Variants in PERP observed in about 807,000 individuals in gnomAD.
PERP encodes p53 apoptosis effector related to PMP-22.
A neutral mutation model predicts 20.3 loss-of-function variants in PERP; 11 were observed. The ratio of observed to expected loss-of-function variants is 0.54; its 90% confidence interval spans 0.34 to 0.90. The LOEUF (loss-of-function observed/expected upper bound fraction) is 0.90. PERP is among the 40% of genes least tolerant of loss of function. PERP has a pLI of 0.02. For missense variants in PERP, 224 were observed against 249.4 expected (o/e 0.90, Z 0.69); for synonymous variants, 101 against 102.0 (o/e 0.99, Z 0.06).
intron 1 of PERP, among the ~76,000 whole-genome samples, chr6:138,100,226 C>T (rs937299597): frequency 6.6e-6 from 1 of 152,188 alleles, no homozygotes; most frequent in Non-Finnish European, 1.5e-5. Context: ...CATGGGTATT[C>T]TCGATGACCT....
At position 138,091,877 on chromosome 6, in the gene PERP, T is replaced by C. The variant is rs1460701857; in HGVS notation, c.*165A>G. 4.9e-6 allele frequency: 3 copies of C among 611,250 alleles called. No homozygotes were observed. Among genetic ancestry groups the C allele is most frequent in the African/African-American group, 1.9e-5 (1 of 54,048 alleles). 37.9% of individuals were successfully genotyped at this position (611,250 alleles called of 1,614,324 possible). On this transcript the variant is annotated 3_prime_UTR_variant, in exon 3 of 3. Transcript: ENST00000421351. The stretch of plus-strand genomic sequence containing the variant: ...ATAATAAAAGATAAACATGAAACTA[T>C]AACACTACTTAAAAAATATTTTCTC...
At chr6:138,096,629 G>C in intron 1 of PERP, 135 bp from the exon 2 acceptor site, 4 of 946,148 alleles carry the variant, frequency 4.2e-6, no homozygotes. Context: ...TTTTTCTTTT[G>C]ACAATACTTG....
rs1423407197 is a variant in PERP, at chr6:138,092,123, G to A, written c.501C>T (p.Ala167=). The A allele has an allele frequency of 6.2e-7, 1 of 1,614,116 alleles. No homozygotes were observed. The highest frequency in any genetic ancestry group is 1.3e-5 in the African/African-American group (1 of 75,044). ...AGTTGGGGAGGCAGCAGAAGAAGAAGGCACAGCCAATCAGGATAATCGTGG... is the reference window on the plus strand; with the variant it reads ...AGTTGGGGAGGCAGCAGAAGAAGAAAGCACAGCCAATCAGGATAATCGTGG... ...WAATIILIGC[A]FFFCCLPNYE... The change falls in exon 3 of 3, where the codon GCC becomes GCT. Residue 167 remains alanine, a synonymous_variant. Coordinates refer to ENST00000421351, the MANE Select transcript of PERP (RefSeq NM_022121.5).
At chr6:138,092,748 C>T (rs1025782191) in intron 2 of PERP, among the ~76,000 whole-genome samples, 6 of 151,950 alleles carry the variant, frequency 3.9e-5, no homozygotes, top group Admixed American at 1.3e-4. Context: ...TATTCAATAA[C>T]ACATCACTGG....
intron 2 of PERP, among the ~76,000 whole-genome samples, chr6:138,095,589 G>A (rs868300968): frequency 2.0e-5 from 3 of 152,228 alleles, no homozygotes; most frequent in South Asian, 2.1e-4. Context: ...CTGAGGCCTC[G>A]CTTTGCCGCT....
At chr6:138,104,397 GA>G (rs1483284679) in intron 1 of PERP, among the ~76,000 whole-genome samples, 1 of 152,188 alleles carries the variant, frequency 6.6e-6, no homozygotes, top group East Asian at 1.9e-4. Flanking sequence ...AAGGAAAAAT[GA>G]GGTGATTTGG....
intron 1 of PERP, among the ~76,000 whole-genome samples, chr6:138,102,016 A>G (rs1775781676): frequency 6.6e-6 from 1 of 152,196 alleles, no homozygotes; most frequent in Admixed American, 6.5e-5. Flanking sequence ...CTAGAGGACA[A>G]CTCATAGCAG....
chr6:138,103,022 C>T (rs1295215747), intron 1 of PERP, among the ~76,000 whole-genome samples: 1 of 151,310 alleles, frequency 6.6e-6, no homozygotes, highest in Non-Finnish European at 1.5e-5. Flanking sequence ...TGGTGTGAAC[C>T]CGGGAGGCGG....
chr6:138,089,508 T>C lies in PERP; in HGVS notation c.*2534A>G, dbSNP rs1775544957. The stretch of plus-strand genomic sequence containing the variant: ...TCTGGCTACTTACAGAGTGAAATAA[T>C]TGCTTAGGAACCTAGAACTGCTTAT... On this transcript the variant is annotated 3_prime_UTR_variant, in exon 3 of 3. Transcript: ENST00000421351. 1 of 152,166 alleles carries C rather than the reference T, an allele frequency of 6.6e-6. No individual in the cohort carries two copies. Among genetic ancestry groups the C allele is most frequent in the Non-Finnish European group, 1.5e-5 (1 of 68,016 alleles). 9.4% of individuals were successfully genotyped at this position (152,166 alleles called of 1,614,324 possible). A position where few individuals can be genotyped will look rare whatever the true frequency, so the allele number is the denominator to read the frequency against.
chr6:138,101,429 T>C (rs1388466725), intron 1 of PERP, among the ~76,000 whole-genome samples: 1 of 152,242 alleles, frequency 6.6e-6, no homozygotes, highest in African/African-American at 2.4e-5. Flanking sequence ...TAAACTTTTA[T>C]TTTAAGACAA....
At chr6:138,105,554 C>T (rs1193414611) in intron 1 of PERP, among the ~76,000 whole-genome samples, 1 of 152,166 alleles carries the variant, frequency 6.6e-6, no homozygotes, top group African/African-American at 2.4e-5. Flanking sequence ...CAGCCAGAGC[C>T]CTGCAGGTCA....
intron 1 of PERP, 112 bp from the exon 2 acceptor site, chr6:138,096,606 G>A: frequency 8.3e-7 from 1 of 1,198,542 alleles, no homozygotes. Flanking sequence ...GTTACATTTG[G>A]ATGGAGGGAC....
intron 2 of PERP, among the ~76,000 whole-genome samples, chr6:138,094,044 A>G (rs1445536952): frequency 6.6e-6 from 1 of 152,212 alleles, no homozygotes; most frequent in African/African-American, 2.4e-5. Context: ...GTCACTGTGG[A>G]TGGCCATTGC....
intron 1 of PERP, among the ~76,000 whole-genome samples, chr6:138,099,534 A>G (rs991551871): frequency 2.6e-5 from 4 of 152,260 alleles, no homozygotes; most frequent in Non-Finnish European, 4.4e-5. Flanking sequence ...TGAGTTTTCC[A>G]TAAAAACAGG....
intron 1 of PERP, among the ~76,000 whole-genome samples, chr6:138,102,167 G>A (rs1775783781): frequency 6.6e-6 from 1 of 152,154 alleles, no homozygotes; most frequent in Non-Finnish European, 1.5e-5. Context: ...TGCTCTGCAT[G>A]GTCTCATGAA....
chr6:138,103,926 T>C (rs888812607), intron 1 of PERP, among the ~76,000 whole-genome samples: 2 of 152,234 alleles, frequency 1.3e-5, no homozygotes, highest in African/African-American at 4.8e-5. Context: ...ATTTACAGTA[T>C]GCAAAGGGTG....
intron 1 of PERP, 152 bp downstream of exon 1, chr6:138,106,975 G>A (rs1775852715): frequency 1.8e-6 from 1 of 561,010 alleles, no homozygotes; most frequent in Non-Finnish European, 2.8e-6. Flanking sequence ...GGTTCAGGTC[G>A]GATGCATGAG....
intron 1 of PERP, among the ~76,000 whole-genome samples, chr6:138,096,863 C>T (rs1231783676): frequency 2.0e-5 from 3 of 152,150 alleles, no homozygotes; most frequent in Non-Finnish European, 4.4e-5. Flanking sequence ...TAATAAACAA[C>T]ATTTTTGGTA....
chr6:138,101,115 G>A (rs921466775), intron 1 of PERP, among the ~76,000 whole-genome samples: 1 of 152,200 alleles, frequency 6.6e-6, no homozygotes, highest in Non-Finnish European at 1.5e-5. Context: ...GCTCAAGCCT[G>A]TAAGCCCAGC....
Sources: allele counts gnomAD v4.1 joint callset (sites outside exome capture counted in the v4.1 genomes callset), GRCh38; gene constraint gnomAD v4.1.1; transcripts MANE v1.5; gene names NCBI Gene and HGNC (gene_info 2026-07-23, HGNC 2026-07-21).